The following DENND1A variants were observed in gnomAD, a reference collection of about 807,000 sequenced individuals.
DENND1A encodes DENN domain containing 1A.
In DENND1A, 51 loss-of-function variants were observed where a neutral mutation model predicts 113.7. The observed-to-expected ratio is 0.45, with a 90% CI of 0.36 to 0.57. The LOEUF is 0.57. Ranked by LOEUF, DENND1A falls within the 20% of genes least tolerant of loss-of-function variation. DENND1A has a pLI of 0.00. For synonymous variants in DENND1A, 565 were observed against 570.8 expected, an observed-to-expected ratio of 0.99 and a Z score of 0.14; for missense variants, 1,258 against 1,395.9, an observed-to-expected ratio of 0.90 and a Z score of 1.57.
chr9:123,557,272 G>A (rs112042192), intron 13 of DENND1A, among the ~76,000 whole-genome samples: 2 of 152,332 alleles, frequency 1.3e-5, no homozygotes, highest in East Asian at 1.9e-4. Flanking sequence ...GCCCCAGGGA[G>A]AGCAGGTGAG....
chr9:123,822,470 G>C (rs2132632867), intron 2 of DENND1A, among the ~76,000 whole-genome samples: 1 of 152,284 alleles, frequency 6.6e-6, no homozygotes, highest in South Asian at 2.1e-4. Flanking sequence ...GTAATCACAG[G>C]AGCTTTTGTA....
chr9:123,451,113 ATTTC>A (rs1255665917), intron 17 of DENND1A, among the ~76,000 whole-genome samples: 14 of 152,258 alleles, frequency 9.2e-5, no homozygotes, highest in African/African-American at 3.4e-4. Context: ...TATCCATTCT[ATTTC>A]ACCAGGGCAG....
At chr9:123,480,086 T>A (rs550471099) in intron 13 of DENND1A, among the ~76,000 whole-genome samples, 1 of 152,332 alleles carries the variant, frequency 6.6e-6, no homozygotes, top group Non-Finnish European at 1.5e-5. Flanking sequence ...TAACAGACCT[T>A]CTGCCAATGG....
At chr9:123,927,486 T>A (rs890853893) in intron 1 of DENND1A, among the ~76,000 whole-genome samples, 1 of 152,148 alleles carries the variant, frequency 6.6e-6, no homozygotes, top group Admixed American at 6.5e-5. Flanking sequence ...AACCTAACAA[T>A]TACTGAGTTT....
chr9:123,910,295 A>G (rs991771266), intron 1 of DENND1A, among the ~76,000 whole-genome samples: 1 of 152,244 alleles, frequency 6.6e-6, no homozygotes, highest in Admixed American at 6.5e-5. Flanking sequence ...AATGCAATGG[A>G]AAGAACAGAG....
At chr9:123,877,147 T>A (rs775344968) in intron 2 of DENND1A, among the ~76,000 whole-genome samples, 2 of 152,158 alleles carry the variant, frequency 1.3e-5, no homozygotes, top group African/African-American at 2.4e-5. Flanking sequence ...CTATGCAATA[T>A]ATGCATGTAA....
intron 3 of DENND1A, among the ~76,000 whole-genome samples, chr9:123,783,235 C>T (rs988659806): frequency 1.2e-4 from 19 of 152,182 alleles, no homozygotes; most frequent in African/African-American, 4.3e-4. Flanking sequence ...CATTTTAGAA[C>T]ATAAATATTC....
At chr9:123,871,110 G>T (rs1318371291) in intron 2 of DENND1A, among the ~76,000 whole-genome samples, 2 of 152,120 alleles carry the variant, frequency 1.3e-5, no homozygotes, top group African/African-American at 2.4e-5. Flanking sequence ...TTGAGACAGG[G>T]TCTAGGTCTG....
Position 123,382,109 on chromosome 9 carries a change from G to C in DENND1A, c.2536C>G (p.Leu846Val), listed in dbSNP as rs1246720944. 6.4e-7 allele frequency: 1 copy of C among 1,564,616 alleles called. No homozygotes were observed. Among genetic ancestry groups the C allele is most frequent in the South Asian group, 1.2e-5 (1 of 83,510 alleles). Reference protein sequence around the residue: ...AGTSSDALLALLDPLSTAWSG... With the variant: ...AGTSSDALLAVLDPLSTAWSG... ...CAGGCTGTGCTGAGCGGGTCCAGGA[G>C]GGCGAGCAGGGCGTCACTGCTCGTG... The change falls in exon 24 of 24, where the codon CTC (leucine) becomes GTC (valine). Residue 846 changes from leucine (L) to valine (V), a missense_variant. Leu to Val is a conservative substitution (Grantham distance 32). This residue lies in a region of DENND1A where 1,159 missense variants were observed against 1,231.7 expected (regional missense o/e 0.94). Coordinates refer to ENST00000394215, the MANE Select transcript of DENND1A (RefSeq NM_001352964.2).
At chr9:123,621,679 G>A (rs1439815436) in intron 10 of DENND1A, among the ~76,000 whole-genome samples, 1 of 152,200 alleles carries the variant, frequency 6.6e-6, no homozygotes, top group African/African-American at 2.4e-5. Flanking sequence ...GAAGCCAGGT[G>A]AGGGCCAGAC....
chr9:123,691,040 C>G (rs1413573231), intron 5 of DENND1A, among the ~76,000 whole-genome samples: 1 of 152,150 alleles, frequency 6.6e-6, no homozygotes, highest in East Asian at 1.9e-4. Flanking sequence ...CCCTGGCAGG[C>G]TCAGGAAGAC....
At chr9:123,900,011 T>C (rs759265662) in intron 1 of DENND1A, among the ~76,000 whole-genome samples, 8 of 152,256 alleles carry the variant, frequency 5.3e-5, no homozygotes, top group Non-Finnish European at 7.3e-5. Context: ...CATTCACCAG[T>C]TAAACCAGCA....
At chr9:123,506,028 A>C in intron 13 of DENND1A, among the ~76,000 whole-genome samples, 1 of 152,024 alleles carries the variant, frequency 6.6e-6, no homozygotes, top group South Asian at 2.1e-4. Flanking sequence ...AATGATAAGC[A>C]TTCACCAAAC....
At chr9:123,477,430 C>G (rs1042995829) in intron 13 of DENND1A, among the ~76,000 whole-genome samples, 4 of 150,932 alleles carry the variant, frequency 2.7e-5, no homozygotes, top group Admixed American at 1.3e-4. Flanking sequence ...TGATAGCATG[C>G]CCCTGTAGTT....
At chr9:123,914,801 A>G (rs1588227512) in intron 1 of DENND1A, among the ~76,000 whole-genome samples, 1 of 152,056 alleles carries the variant, frequency 6.6e-6, no homozygotes, top group African/African-American at 2.4e-5. Flanking sequence ...CTCAGTCATC[A>G]CCAAGGGGAT....
At chr9:123,884,182 A>C (rs1848697165) in intron 1 of DENND1A, among the ~76,000 whole-genome samples, 1 of 152,128 alleles carries the variant, frequency 6.6e-6, no homozygotes, top group Admixed American at 6.5e-5. Context: ...AGACTATAAC[A>C]ATTTCCAGAG....
intron 10 of DENND1A, among the ~76,000 whole-genome samples, chr9:123,612,590 GATT>G (rs2060466570): frequency 6.6e-6 from 1 of 152,076 alleles, no homozygotes; most frequent in Non-Finnish European, 1.5e-5. Context: ...TAATTTTTGT[GATT>G]ATTAAAGACT....
intron 13 of DENND1A, among the ~76,000 whole-genome samples, chr9:123,527,891 G>A (rs981836359): frequency 1.3e-5 from 2 of 152,164 alleles, no homozygotes; most frequent in Non-Finnish European, 2.9e-5. Context: ...TGTGCTCTGC[G>A]ACTGATTGTT....
At chr9:123,620,213 C>CAAAAAAAAAAAAAAAAA (rs34196587) in intron 10 of DENND1A, among the ~76,000 whole-genome samples, 5 of 59,042 alleles carry the variant, frequency 8.5e-5, no homozygotes, top group African/African-American at 2.1e-4. Flanking sequence ...GACTCCATCT[C>CAAAAAAAAAAAAAAAAA]AAAAAAAAAA....
Sources: gnomAD v4.1 joint callset for allele counts (sites outside exome capture counted in the v4.1 genomes callset) on GRCh38, gnomAD v4.1.1 for gene constraint, gnomAD v4.1.1 regional missense constraint, MANE v1.5 for transcripts, NCBI Gene and HGNC (gene_info 2026-07-23, HGNC 2026-07-21) for gene names.